The following CEP164 variants were observed in gnomAD, a reference collection of about 807,000 sequenced individuals.
CEP164 encodes the protein centrosomal protein 164, also known as centrosomal protein of 164 kDa.
CEP164 carries 162 observed loss-of-function variants against 182.7 expected under a neutral mutation model. The ratio of observed to expected loss-of-function variants is 0.89; its 90% confidence interval spans 0.78 to 1.01. CEP164 has a LOEUF of 1.01. Ranked by LOEUF, CEP164 falls within the 50% of genes least tolerant of loss-of-function variation. The probability of loss-of-function intolerance (pLI) is 0.00; values close to 1 mark genes in which losing one functional copy is unlikely to be tolerated. For synonymous variants in CEP164, 661 were observed against 690.0 expected (o/e 0.96, Z 0.66); for missense variants, 1,735 against 1,790.4 (o/e 0.97, Z 0.56).
intron 8 of CEP164, among the ~76,000 whole-genome samples, chr11:117,365,772 G>A (rs1056957660): frequency 1.1e-4 from 16 of 151,980 alleles, no homozygotes; most frequent in African/African-American, 3.9e-4. Flanking sequence ...TAGATACGGG[G>A]TTTCACCATG....
In CEP164 at chr11:117,395,116, C is replaced by A. The variant is rs747891126; in HGVS notation, c.2845-7C>A. The A allele has an allele frequency of 4.3e-6, 7 of 1,614,030 alleles. No homozygotes were observed. The African/African-American group carries it at 9.3e-5, about 22-fold the overall frequency. On this transcript the variant is annotated splice_region_variant and splice_polypyrimidine_tract_variant and intron_variant, in intron 22 of 32. Coordinates refer to ENST00000278935, the MANE Select transcript of CEP164 (RefSeq NM_014956.5). ...TCAGCCAGAAAATCCTGTCTCTTCC[C>A]TGCAAGGAGGAGACCGCCCGGAGGG...
intron 17 of CEP164, 22 bp from the exon 18 acceptor site, chr11:117,392,204 C>G (rs1053341982): frequency 1.3e-6 from 2 of 1,551,096 alleles, no homozygotes. Flanking sequence ...GCTTCACTCA[C>G]AGTCCCTTTG....
chr11:117,382,283 T>C (rs2136151420), intron 13 of CEP164, among the ~76,000 whole-genome samples: 1 of 152,272 alleles, frequency 6.6e-6, no homozygotes, highest in Non-Finnish European at 1.5e-5. Flanking sequence ...CTGTTTCCAA[T>C]AGTCATCCTA....
chr11:117,376,160 T>C (rs2305827), intron 11 of CEP164, among the ~76,000 whole-genome samples: 30,971 of 152,174 alleles, frequency 0.2, 3,999 homozygotes, highest in Middle Eastern at 0.3. Flanking sequence ...CTGGATCTGC[T>C]GCTCGCTATT....
At chr11:117,375,884 G>A (rs2042691697) in intron 11 of CEP164, 93 bp downstream of exon 11, 1 of 1,090,594 alleles carries the variant, frequency 9.2e-7, no homozygotes, top group Non-Finnish European at 1.4e-6. Flanking sequence ...CCATCACAGG[G>A]TGCATTTCTG....
At chr11:117,339,159 C>A (rs2037678862) in intron 3 of CEP164, among the ~76,000 whole-genome samples, 1 of 152,116 alleles carries the variant, frequency 6.6e-6, no homozygotes, top group Non-Finnish European at 1.5e-5. Flanking sequence ...GGAAAACAGC[C>A]ACAATGGTTT....
At chr11:117,357,188 C>T (rs1230215438) in intron 5 of CEP164, among the ~76,000 whole-genome samples, 1 of 151,054 alleles carries the variant, frequency 6.6e-6, no homozygotes, top group African/African-American at 2.5e-5. Context: ...GCACCTCCAT[C>T]GCTTGAATCC....
At position 117,344,955 on chromosome 11, in the gene CEP164, A is replaced by G. The variant is rs181217844; in HGVS notation, c.194+678A>G. ...AAAAAAAAACCAAAGTAAATAAATA[A>G]AACTACTACTTAAAAAGATAAAATA... On this transcript the variant is annotated intron_variant, in intron 4 of 32. Transcript: ENST00000278935. Among the ~76,000 whole-genome samples, 236 of 152,098 alleles carry G rather than the reference A, an allele frequency of 1.6e-3. 2 individuals are homozygous for G. Among genetic ancestry groups the G allele is most frequent in the Non-Finnish European group, 4.1e-4 (28 of 67,964 alleles).
chr11:117,376,807 C>T (rs1053942841), intron 11 of CEP164, among the ~76,000 whole-genome samples: 1 of 152,138 alleles, frequency 6.6e-6, no homozygotes, highest in Non-Finnish European at 1.5e-5. Flanking sequence ...AAGGCACAGT[C>T]AAAGGAAGGT....
intron 10 of CEP164, among the ~76,000 whole-genome samples, chr11:117,374,204 G>A (rs1485916656): frequency 6.6e-6 from 1 of 152,046 alleles, no homozygotes; most frequent in Non-Finnish European, 1.5e-5. Context: ...TGTGTTTATG[G>A]GATCACTGAG....
chr11:117,367,190 A>G (rs1344041017), intron 8 of CEP164, among the ~76,000 whole-genome samples: 1 of 152,192 alleles, frequency 6.6e-6, no homozygotes, highest in East Asian at 1.9e-4. Flanking sequence ...GGCCAGGTGA[A>G]GGGAGATGCT....
Position 117,375,872 on chromosome 11 carries a change from G to A in CEP164, c.1317+81G>A. ...TTCGGATGACCCAGAACTGAGCCCT[G>A]CCCATCACAGGGTGCATTTCTGTAA... On this transcript the variant is annotated intron_variant, in intron 11 of 32. Transcript: ENST00000278935. 3 of 1,222,460 alleles carry A rather than the reference G, an allele frequency of 2.5e-6. No homozygotes were observed. In the Admixed American group the frequency reaches 5.2e-5, roughly 21 times the overall value. The allele number at this position is 1,222,460 out of a possible 1,614,324, so 75.7% of individuals were successfully genotyped here. A position where few individuals can be genotyped will look rare whatever the true frequency, so the allele number is the denominator to read the frequency against.
At chr11:117,382,449 A>G (rs938195289) in intron 13 of CEP164, among the ~76,000 whole-genome samples, 1 of 152,144 alleles carries the variant, frequency 6.6e-6, no homozygotes, top group African/African-American at 2.4e-5. Context: ...CCCCCTAGCA[A>G]GAGAAACATG....
At chr11:117,410,931 A>G (rs754735083) in intron 31 of CEP164, 37 bp downstream of exon 31, 12 of 1,586,600 alleles carry the variant, frequency 7.6e-6, no homozygotes, top group Non-Finnish European at 1.0e-5. Context: ...GTGGAACGTC[A>G]TAGTCGAGCT....
At chr11:117,329,298 A>C (rs2035822613) in intron 1 of CEP164, among the ~76,000 whole-genome samples, 1 of 152,132 alleles carries the variant, frequency 6.6e-6, no homozygotes, top group Non-Finnish European at 1.5e-5. Context: ...TGGTCATGCC[A>C]GTCTCCTTTG....
chr11:117,393,930 C>T (rs2045072202), intron 20 of CEP164, among the ~76,000 whole-genome samples: 1 of 152,220 alleles, frequency 6.6e-6, no homozygotes, highest in Admixed American at 6.5e-5. Context: ...TAACTGGAAC[C>T]AGTATCCCAG....
chr11:117,409,150 G>A lies in CEP164; in HGVS notation c.3748+122G>A, dbSNP rs1157341177. The A allele has an allele frequency of 1.1e-5, 15 of 1,318,614 alleles. No individual in the cohort carries two copies. Among genetic ancestry groups the A allele is most frequent in the Non-Finnish European group, 1.4e-5 (13 of 959,260 alleles). 81.7% of individuals were successfully genotyped at this position (1,318,614 alleles called of 1,614,324 possible). ...GGGAGGCCTCTGTGAGCCGGTGTCTGGACTAGGTGCTCGGTCAGTGCTGGG... is the reference window on the plus strand; with the variant it reads ...GGGAGGCCTCTGTGAGCCGGTGTCTAGACTAGGTGCTCGGTCAGTGCTGGG... On this transcript the variant is annotated intron_variant, in intron 29 of 32. Transcript: ENST00000278935. The surrounding 1 kb of genome is among the most constrained non-coding windows in gnomAD (Gnocchi z 4.4).
intron 15 of CEP164, among the ~76,000 whole-genome samples, chr11:117,387,743 G>A (rs952053048): frequency 6.6e-6 from 1 of 152,214 alleles, no homozygotes; most frequent in African/African-American, 2.4e-5. Flanking sequence ...ACAAAAAGGT[G>A]TTAACATATT....
chr11:117,339,430 A>C (rs1281767198), intron 3 of CEP164, among the ~76,000 whole-genome samples: 2 of 151,046 alleles, frequency 1.3e-5, no homozygotes, highest in Non-Finnish European at 2.9e-5. Context: ...CAATAACATT[A>C]TTAGTAACAA....
Sources: allele counts gnomAD v4.1 joint callset (sites outside exome capture counted in the v4.1 genomes callset), GRCh38; gene constraint gnomAD v4.1.1; non-coding constraint Gnocchi (gnomAD v3.1); transcripts MANE v1.5; gene names NCBI Gene and HGNC (gene_info 2026-07-23, HGNC 2026-07-21).